NRG2: variants seen among roughly 807,000 people sequenced by gnomAD.
The protein encoded by NRG2 is neuregulin 2, also known as pro-neuregulin-2, membrane-bound isoform.
A neutral mutation model predicts 73.9 loss-of-function variants in NRG2; 27 were observed. The ratio of observed to expected loss-of-function variants is 0.37; its 90% confidence interval spans 0.27 to 0.50. The LOEUF (loss-of-function observed/expected upper bound fraction) is 0.50, where lower values mean the gene tolerates loss of function less well. Among genes scored for constraint, NRG2 ranks in the 20% least tolerant of loss-of-function variants. NRG2 has a pLI of 0.96. For missense variants in NRG2, 1,126 were observed against 1,210.1 expected, an observed-to-expected ratio of 0.93 and a Z score of 1.03; for synonymous variants, 532 against 541.0, an observed-to-expected ratio of 0.98 and a Z score of 0.23.
chr5:139,997,086 G>A (rs531501286), intron 1 of NRG2, among the ~76,000 whole-genome samples: 156 of 152,254 alleles, frequency 1.0e-3, no homozygotes, highest in Non-Finnish European at 1.7e-3. Context: ...AGGCCGTGGT[G>A]AGCCAAGATC....
intron 1 of NRG2, among the ~76,000 whole-genome samples, chr5:139,917,973 A>C (rs1751389675): frequency 1.3e-5 from 2 of 152,184 alleles, no homozygotes; most frequent in Non-Finnish European, 2.9e-5. Flanking sequence ...ACCTAATTGA[A>C]TGTCACAAAG....
At chr5:139,860,038 C>T in intron 5 of NRG2, 6 of 945,114 alleles carry the variant, frequency 6.3e-6, no homozygotes, top group Non-Finnish European at 9.9e-6. Flanking sequence ...GGGCAGCCAT[C>T]CTGCGAGGTG....
At position 139,904,606 on chromosome 5, in the gene NRG2, G is replaced by A. The variant is rs1042439720; in HGVS notation, c.701-17095C>T. ...ACCGGCTCGGGCCGCGGGGGCGTGT[G>A]GGCGGCCGGTCTGGGCCCTAGGCCC... On this transcript the variant is annotated intron_variant, in intron 1 of 9. Transcript: ENST00000361474. The surrounding 1 kb of genome is among the most constrained non-coding windows in gnomAD (Gnocchi z 6.0). Among the ~76,000 whole-genome samples the A allele has an allele frequency of 7.2e-5, 11 of 152,290 alleles. No homozygotes were observed. Among genetic ancestry groups the A allele is most frequent in the African/African-American group, 2.6e-4 (11 of 41,588 alleles).
intron 1 of NRG2, among the ~76,000 whole-genome samples, chr5:139,966,072 T>A (rs1755491330): frequency 6.6e-6 from 1 of 152,192 alleles, no homozygotes; most frequent in Non-Finnish European, 1.5e-5. Context: ...TACTATGGTA[T>A]CCCCAGTGTC....
At chr5:139,969,440 A>T (rs963879672) in intron 1 of NRG2, among the ~76,000 whole-genome samples, 4 of 152,238 alleles carry the variant, frequency 2.6e-5, no homozygotes, top group African/African-American at 9.6e-5. Flanking sequence ...CGTTTCTACC[A>T]ATTAGAGCTG....
chr5:139,882,904 G>A (rs1451221594), intron 2 of NRG2, among the ~76,000 whole-genome samples: 1 of 152,176 alleles, frequency 6.6e-6, no homozygotes, highest in East Asian at 1.9e-4. Flanking sequence ...TCCTTCTGAG[G>A]AACAAGAAAG....
At chr5:139,848,765 G>GGGC in intron 9 of NRG2, 68 bp from the exon 10 acceptor site, 1 of 652,248 alleles carries the variant, frequency 1.5e-6, no homozygotes, top group Non-Finnish European at 2.2e-6. Flanking sequence ...GGGGTTGGGG[G>GGGC]TGGGGTAGGG....
At chr5:139,935,411 T>C (rs1410569041) in intron 1 of NRG2, among the ~76,000 whole-genome samples, 1 of 152,198 alleles carries the variant, frequency 6.6e-6, no homozygotes, top group Non-Finnish European at 1.5e-5. Context: ...AAAAACGATA[T>C]ATTTGTTTCA....
At chr5:140,027,420 C>T (rs558372449) in intron 1 of NRG2, among the ~76,000 whole-genome samples, 3 of 152,298 alleles carry the variant, frequency 2.0e-5, no homozygotes, top group East Asian at 1.9e-4. Flanking sequence ...TAAGAAGATT[C>T]GTGGGCGTGG....
chr5:139,865,383 A>G lies in NRG2; in HGVS notation c.1189+166T>C, dbSNP rs1581803335. Among the ~76,000 whole-genome samples, 1 of 152,232 alleles carries G rather than the reference A, an allele frequency of 6.6e-6. No individual in the cohort carries two copies. The highest frequency in any genetic ancestry group is 2.1e-4 in the South Asian group (1 of 4,834). The stretch of plus-strand genomic sequence containing the variant: ...ATGAAAACAAAGCAAAACAAAACAA[A>G]ACAAAAAGAACTAACAAACCAAAAT... On this transcript the variant is annotated intron_variant, in intron 5 of 9. Transcript: ENST00000361474. The surrounding 1 kb of genome is among the most constrained non-coding windows in gnomAD (Gnocchi z 5.2).
intron 1 of NRG2, among the ~76,000 whole-genome samples, chr5:139,917,992 C>G (rs1159662256): frequency 6.6e-6 from 1 of 152,114 alleles, no homozygotes; most frequent in Non-Finnish European, 1.5e-5. Context: ...AGATTTATGC[C>G]TATTTTTTCT....
In NRG2 at chr5:139,945,742, T is replaced by G. The variant is rs1280520440; in HGVS notation, c.701-58231A>C. Among the ~76,000 whole-genome samples the G allele has an allele frequency of 2.0e-5, 3 of 152,116 alleles. No individual in the cohort carries two copies. The East Asian group carries it at 5.8e-4, about 29-fold the overall frequency. ...TAAGGAGTCTACTAAAAAAAGCCAT[T>G]AGAATGAATAAATGAATTCAACAAA... is the stretch of plus-strand genomic sequence containing the variant. On this transcript the variant is annotated intron_variant, in intron 1 of 9. Transcript: ENST00000361474.
At chr5:139,922,144 A>G (rs1751718504) in intron 1 of NRG2, among the ~76,000 whole-genome samples, 1 of 152,110 alleles carries the variant, frequency 6.6e-6, no homozygotes, top group Non-Finnish European at 1.5e-5. Context: ...GAAGACAAGC[A>G]ATAAACAGAT....
At chr5:139,862,906 C>T (rs942752647) in intron 5 of NRG2, among the ~76,000 whole-genome samples, 1 of 152,240 alleles carries the variant, frequency 6.6e-6, no homozygotes, top group African/African-American at 2.4e-5. Context: ...CTATTGCAGT[C>T]ACAGGCTCTT....
At chr5:139,966,320 G>A (rs1048754854) in intron 1 of NRG2, among the ~76,000 whole-genome samples, 4 of 152,192 alleles carry the variant, frequency 2.6e-5, no homozygotes, top group Admixed American at 6.5e-5. Flanking sequence ...GCACTTACGC[G>A]ACAGGTACTG....
intron 1 of NRG2, among the ~76,000 whole-genome samples, chr5:139,953,504 T>C (rs1754387737): frequency 6.6e-6 from 1 of 152,014 alleles, no homozygotes; most frequent in Non-Finnish European, 1.5e-5. Context: ...ACCGCTCTCA[T>C]CCTGAGAGAA....
At chr5:139,978,705 C>T (rs1291814274) in intron 1 of NRG2, among the ~76,000 whole-genome samples, 1 of 152,122 alleles carries the variant, frequency 6.6e-6, no homozygotes, top group Non-Finnish European at 1.5e-5. Flanking sequence ...TATTGTGGCA[C>T]TATTCACAAT....
At chr5:139,941,693 T>G (rs1249561914) in intron 1 of NRG2, among the ~76,000 whole-genome samples, 1 of 152,192 alleles carries the variant, frequency 6.6e-6, no homozygotes, top group Non-Finnish European at 1.5e-5. Context: ...TAGGTGGAAG[T>G]CCCTCAATTG....
chr5:140,005,774 A>G (rs903431466), intron 1 of NRG2, among the ~76,000 whole-genome samples: 5 of 152,208 alleles, frequency 3.3e-5, no homozygotes, highest in Non-Finnish European at 5.9e-5. Flanking sequence ...TTACACTTTC[A>G]GCATGGCTCT....
Sources: gnomAD v4.1 joint callset for allele counts (sites outside exome capture counted in the v4.1 genomes callset) on GRCh38, gnomAD v4.1.1 for gene constraint, Gnocchi (gnomAD v3.1) non-coding constraint, MANE v1.5 for transcripts, NCBI Gene and HGNC (gene_info 2026-07-23, HGNC 2026-07-21) for gene names.